PIK3CA: variants seen among roughly 807,000 people sequenced by gnomAD.
PIK3CA encodes phosphatidylinositol-4,5-bisphosphate 3-kinase catalytic subunit alpha.
In PIK3CA, 27 loss-of-function variants were observed where a neutral mutation model predicts 138.2. The ratio of observed to expected loss-of-function variants is 0.20; its 90% CI spans 0.14 to 0.27. The LOEUF (loss-of-function observed/expected upper bound fraction) is 0.27. PIK3CA is among the 10% of genes least tolerant of loss of function. PIK3CA has a pLI of 1.00. For synonymous variants in PIK3CA, 358 were observed against 413.2 expected, an observed-to-expected ratio of 0.87 and a Z score of 1.62; for missense variants, 544 against 1,277.4, an observed-to-expected ratio of 0.43 and a Z score of 8.75.
intron 1 of PIK3CA, among the ~76,000 whole-genome samples, chr3:179,155,668 T>C (rs970683630): frequency 6.6e-6 from 1 of 152,144 alleles, no homozygotes; most frequent in Non-Finnish European, 1.5e-5. Context: ...TGCTACCCCA[T>C]TTTATATAAG....
In PIK3CA at chr3:179,234,025, T is replaced by C; in HGVS notation, c.2937-69T>C. Reference sequence around the variant, plus strand: ...GAAAGCCTCTCTAATTTTGTGACATTTGAGCAAAGACCTGAAGGTATTAAC... The same window carrying C: ...GAAAGCCTCTCTAATTTTGTGACATCTGAGCAAAGACCTGAAGGTATTAAC... On this transcript the variant is annotated intron_variant, in intron 20 of 20. Transcript: ENST00000263967. This position sits in a 1 kb window ranked among gnomAD's most constrained non-coding sequence, Gnocchi z 5.1. 1 of 1,142,904 alleles carries C rather than the reference T, an allele frequency of 8.7e-7. No individual in the cohort carries two copies. Among genetic ancestry groups the C allele is most frequent in the East Asian group, 2.4e-5 (1 of 41,426 alleles). The allele number at this position is 1,142,904 out of a possible 1,614,324, so 70.8% of individuals were successfully genotyped here. A position where few individuals can be genotyped will look rare whatever the true frequency, so the allele number is the denominator to read the frequency against.
chr3:179,170,299 T>G (rs551475831), intron 1 of PIK3CA, among the ~76,000 whole-genome samples: 1 of 152,348 alleles, frequency 6.6e-6, no homozygotes, highest in East Asian at 1.9e-4. Flanking sequence ...GAAGACATAT[T>G]CGCAAATTTT....
At chr3:179,228,639 G>T (rs1355974653) in intron 17 of PIK3CA, among the ~76,000 whole-genome samples, 2 of 151,882 alleles carry the variant, frequency 1.3e-5, no homozygotes, top group Non-Finnish European at 2.9e-5. Flanking sequence ...ATCCAGCTGG[G>T]TACTATGAAG....
intron 4 of PIK3CA, 62 bp from the exon 5 acceptor site, chr3:179,203,482 A>G (rs569317820): frequency 1.3e-4 from 191 of 1,499,518 alleles, no homozygotes; most frequent in Non-Finnish European, 1.6e-4. Flanking sequence ...TAATACTCTG[A>G]CATGTTACTT....
At chr3:179,153,046 C>T (rs1334478507) in intron 1 of PIK3CA, among the ~76,000 whole-genome samples, 1 of 151,910 alleles carries the variant, frequency 6.6e-6, no homozygotes, top group Non-Finnish European at 1.5e-5. Flanking sequence ...AAAAGAAAAT[C>T]CAAAGATTTT....
At chr3:179,174,393 C>T (rs1349239333) in intron 1 of PIK3CA, among the ~76,000 whole-genome samples, 1 of 152,154 alleles carries the variant, frequency 6.6e-6, no homozygotes, top group African/African-American at 2.4e-5. Context: ...TAGCTTGAAC[C>T]TGGGAGGCGG....
chr3:179,210,799 A>C (rs886592455), intron 9 of PIK3CA, among the ~76,000 whole-genome samples: 1 of 152,248 alleles, frequency 6.6e-6, no homozygotes, highest in African/African-American at 2.4e-5. Flanking sequence ...AATGCCGACT[A>C]TGTGTAAAGC....
At chr3:179,189,064 G>A (rs1298705318) in intron 1 of PIK3CA, among the ~76,000 whole-genome samples, 1 of 151,232 alleles carries the variant, frequency 6.6e-6, no homozygotes, top group African/African-American at 2.4e-5. Flanking sequence ...ATACAAAAAA[G>A]TTAGCTGGGC....
intron 1 of PIK3CA, among the ~76,000 whole-genome samples, chr3:179,181,061 A>G (rs1250730289): frequency 2.0e-5 from 3 of 152,074 alleles, no homozygotes; most frequent in Non-Finnish European, 4.4e-5. Flanking sequence ...CAAAAAGACA[A>G]ACTGAGAGAA....
chr3:179,209,182 T>C (rs1724645889), intron 6 of PIK3CA, among the ~76,000 whole-genome samples: 1 of 151,922 alleles, frequency 6.6e-6, no homozygotes, highest in South Asian at 2.1e-4. Flanking sequence ...TTCTGTGGTT[T>C]TATTCCTACA....
intron 1 of PIK3CA, among the ~76,000 whole-genome samples, chr3:179,187,855 T>C (rs1576926765): frequency 6.6e-6 from 1 of 152,184 alleles, no homozygotes; most frequent in East Asian, 2.0e-4. Flanking sequence ...GCCAGGCTGG[T>C]CTCGATCTCC....
intron 1 of PIK3CA, among the ~76,000 whole-genome samples, chr3:179,151,792 G>C (rs1236554695): frequency 5.3e-5 from 8 of 152,102 alleles, no homozygotes; most frequent in African/African-American, 1.9e-4. Flanking sequence ...TTCTTTAACT[G>C]GTTGACTCCT....
At position 179,215,627 on chromosome 3, in the gene PIK3CA, T is replaced by C. The variant is rs576135098; in HGVS notation, c.1540-2583T>C. 3.3e-5 allele frequency among the ~76,000 whole-genome samples: 5 copies of C among 152,300 alleles called. No homozygotes were observed. In the South Asian group the frequency reaches 8.3e-4, roughly 25 times the overall value. On this transcript the variant is annotated intron_variant, in intron 9 of 20. Transcript: ENST00000263967. ...GTTACATCATCCTTCAGTTTTCTTATTGCATTGCCCAGTGTCTTGCATCAT... is the reference window on the plus strand; with the variant it reads ...GTTACATCATCCTTCAGTTTTCTTACTGCATTGCCCAGTGTCTTGCATCAT...
In PIK3CA at chr3:179,239,877, G is replaced by A; in HGVS notation, c.*5513G>A. ...TTTAATGATGGCCCAGAAAGCATTTGACACAGCAAGATGCATGTGTTACTA... is the reference window on the plus strand; with the variant it reads ...TTTAATGATGGCCCAGAAAGCATTTAACACAGCAAGATGCATGTGTTACTA... On this transcript the variant is annotated 3_prime_UTR_variant, in exon 21 of 21. Coordinates refer to ENST00000263967, the MANE Select transcript of PIK3CA (RefSeq NM_006218.4). The A allele has an allele frequency of 1.7e-6, 1 of 598,272 alleles. No homozygotes were observed. 37.1% of individuals were successfully genotyped at this position (598,272 alleles called of 1,614,324 possible).
chr3:179,161,612 G>A (rs571106949), intron 1 of PIK3CA, among the ~76,000 whole-genome samples: 182 of 152,278 alleles, frequency 1.2e-3, no homozygotes, highest in African/African-American at 2.5e-3. Context: ...CAGCAGAATC[G>A]CTTAAACCCA....
At chr3:179,215,744 T>C (rs1301806719) in intron 9 of PIK3CA, among the ~76,000 whole-genome samples, 1 of 152,150 alleles carries the variant, frequency 6.6e-6, no homozygotes, top group East Asian at 1.9e-4. Flanking sequence ...ATTGGACACT[T>C]GAGAATTCAG....
At position 179,201,509 on chromosome 3, in the gene PIK3CA, T is replaced by G; in HGVS notation, c.782T>G (p.Phe261Cys). 1 of 1,606,960 alleles carries G rather than the reference T, an allele frequency of 6.2e-7. No homozygotes were observed. Among genetic ancestry groups the G allele is most frequent in the Non-Finnish European group, 8.5e-7 (1 of 1,173,788 alleles). Residue 261 changes from phenylalanine to cysteine, a missense_variant, in exon 4 of 21, where the codon TTC becomes TGC. By Grantham distance (205) the Phe-to-Cys change is radical. This residue lies in a region of PIK3CA where 234 missense variants were observed against 401.3 expected (regional missense o/e 0.58). Coordinates refer to ENST00000263967, the MANE Select transcript of PIK3CA (RefSeq NM_006218.4). ...AAAGTGTGTGGATGTGATGAATACTTCCTAGAAAAATATCCTCTGAGTCAG... is the reference window on the plus strand; with the variant it reads ...AAAGTGTGTGGATGTGATGAATACTGCCTAGAAAAATATCCTCTGAGTCAG... ...ILKVCGCDEY[F>C]LEKYPLSQYK...
intron 20 of PIK3CA, among the ~76,000 whole-genome samples, chr3:179,232,087 T>C (rs1431817960): frequency 1.3e-5 from 2 of 152,212 alleles, no homozygotes; most frequent in Non-Finnish European, 2.9e-5. Context: ...TGATTCTTTC[T>C]TTTGTTATGC....
chr3:179,191,997 T>C (rs1250033367), intron 1 of PIK3CA, among the ~76,000 whole-genome samples: 1 of 152,198 alleles, frequency 6.6e-6, no homozygotes, highest in African/African-American at 2.4e-5. Context: ...AACTGAAATA[T>C]ATAAAATATA....
Sources: allele counts gnomAD v4.1 joint callset (sites outside exome capture counted in the v4.1 genomes callset), GRCh38; gene constraint gnomAD v4.1.1; regional missense constraint gnomAD v4.1.1; non-coding constraint Gnocchi (gnomAD v3.1); transcripts MANE v1.5; gene names NCBI Gene and HGNC (gene_info 2026-07-23, HGNC 2026-07-21).